Variants in IL5RA observed in about 807,000 individuals in gnomAD.
The protein encoded by IL5RA is interleukin-5 receptor subunit alpha.
IL5RA carries 49 observed loss-of-function variants against 50.0 expected under a neutral mutation model. The ratio of observed to expected loss-of-function variants is 0.98; its 90% CI spans 0.78 to 1.24. The LOEUF (loss-of-function observed/expected upper bound fraction) is 1.24, where lower values mean the gene tolerates loss of function less well. Ranked by LOEUF, IL5RA falls within the 50% of genes most tolerant of loss-of-function variation. The pLI, the probability that IL5RA is intolerant of heterozygous loss-of-function variation, is 0.00. For missense variants in IL5RA, 600 were observed against 500.4 expected (o/e 1.20, Z -1.90); for synonymous variants, 202 against 174.0 (o/e 1.16, Z -1.26).
At chr3:3,071,754 T>C (rs1015225629) in intron 11 of IL5RA, among the ~76,000 whole-genome samples, 3 of 151,938 alleles carry the variant, frequency 2.0e-5, no homozygotes, top group Non-Finnish European at 4.4e-5. Context: ...CGTGCCTGAG[T>C]AATTTTTGTA....
intron 9 of IL5RA, among the ~76,000 whole-genome samples, chr3:3,091,029 G>A (rs775321461): frequency 6.6e-6 from 1 of 152,108 alleles, no homozygotes; most frequent in African/African-American, 2.4e-5. Context: ...TGACAGAGAC[G>A]ATGCCCATCT....
chr3:3,070,360 G>A (rs979544800), intron 11 of IL5RA, 49 bp from the exon 12 acceptor site: 5 of 1,235,120 alleles, frequency 4.0e-6, no homozygotes, highest in East Asian at 2.4e-5. Context: ...GAACTTTTGG[G>A]TTCTTTGAAA....
At position 3,070,239 on chromosome 3, in the gene IL5RA, C is replaced by A. The variant is rs200558767; in HGVS notation, c.1249G>T (p.Asp417Tyr). The A allele has an allele frequency of 2.2e-5, 36 of 1,611,542 alleles. No homozygotes were observed. The highest frequency in any genetic ancestry group is 2.5e-5 in the Non-Finnish European group (29 of 1,178,038). ...CAAAGTGACAGTCAAAACACAGAATCCTCCAGGGTCTCAACTCCAGGCTTC... is the reference window on the plus strand; with the variant it reads ...CAAAGTGACAGTCAAAACACAGAATACTCCAGGGTCTCAACTCCAGGCTTC... ...IEKPGVETLE[D>Y]SVF is the part of the protein sequence containing the mutation. The change falls in exon 12 of 12, where the codon GAT (aspartate) becomes TAT (tyrosine). Residue 417 changes from aspartate (D) to tyrosine (Y), a missense_variant. Asp to Tyr is a radical substitution (Grantham distance 160). Transcript: ENST00000446632.
chr3:3,105,964 C>T (rs1308901108), intron 2 of IL5RA, among the ~76,000 whole-genome samples: 1 of 152,174 alleles, frequency 6.6e-6, no homozygotes, highest in Non-Finnish European at 1.5e-5. Context: ...CTCACTTTTA[C>T]AAAGGAGTTC....
chr3:3,073,789 T>C (rs1180628359), intron 11 of IL5RA: 3 of 451,974 alleles, frequency 6.6e-6, no homozygotes, highest in Non-Finnish European at 1.3e-5. Context: ...TAGAAAATTG[T>C]CAGCTGAATC....
chr3:3,071,314 G>A (rs1255620659), intron 11 of IL5RA, among the ~76,000 whole-genome samples: 1 of 152,080 alleles, frequency 6.6e-6, no homozygotes, highest in East Asian at 1.9e-4. Context: ...GGAACAGCTG[G>A]AAACCAGTCT....
At position 3,076,579 on chromosome 3, in the gene IL5RA, A is replaced by G. The variant is rs1251467124; in HGVS notation, c.1043T>C (p.Met348Thr). The change falls in exon 10 of 12, where the codon ATG becomes ACG. Residue 348 changes from methionine (M) to threonine (T), a missense_variant. By Grantham distance (81) the Met-to-Thr change is moderately conservative. Transcript: ENST00000446632. ...PLREWFVIVI[M>T]ATICFILLIL... ...TAACAAGATGAAGCAGATGGTTGCCATAATCACAATGACAAACCACTCTCT... is the reference window on the plus strand; with the variant it reads ...TAACAAGATGAAGCAGATGGTTGCCGTAATCACAATGACAAACCACTCTCT... 4 of 1,613,110 alleles carry G rather than the reference A, an allele frequency of 2.5e-6. No homozygotes were observed. Among genetic ancestry groups the G allele is most frequent in the Non-Finnish European group, 3.4e-6 (4 of 1,179,112 alleles).
chr3:3,107,695 C>G (rs1041524259), intron 2 of IL5RA, among the ~76,000 whole-genome samples: 5 of 152,236 alleles, frequency 3.3e-5, no homozygotes, highest in Admixed American at 1.3e-4. Context: ...GATCTACTTG[C>G]TCATATAACA....
chr3:3,096,468 G>C (rs1022477140), intron 7 of IL5RA, among the ~76,000 whole-genome samples: 1 of 152,192 alleles, frequency 6.6e-6, no homozygotes, highest in South Asian at 2.1e-4. Flanking sequence ...AATTAATAGG[G>C]AAAAGCTAGG....
chr3:3,098,096 A>C, intron 6 of IL5RA, 39 bp from the exon 7 acceptor site: 1 of 1,613,964 alleles, frequency 6.2e-7, no homozygotes, highest in Non-Finnish European at 8.5e-7. Flanking sequence ...AGGTTGCAGG[A>C]AACAACCATT....
intron 8 of IL5RA, among the ~76,000 whole-genome samples, chr3:3,094,745 T>A (rs1233195494): frequency 2.0e-5 from 3 of 152,174 alleles, no homozygotes; most frequent in African/African-American, 7.2e-5. Context: ...TTTTTTTAGA[T>A]GAAATGTTGC....
chr3:3,075,821 CG>C (rs1212852740), intron 10 of IL5RA, among the ~76,000 whole-genome samples: 4 of 151,992 alleles, frequency 2.6e-5, no homozygotes, highest in South Asian at 2.1e-4. Context: ...AGGGTGGTCT[CG>C]ATCTCCTGAC....
chr3:3,102,820 A>G lies in IL5RA; in HGVS notation c.83T>C (p.Ile28Thr). The G allele has an allele frequency of 6.3e-7, 1 of 1,598,172 alleles. No individual in the cohort carries two copies. Among genetic ancestry groups the G allele is most frequent in the Non-Finnish European group, 8.5e-7 (1 of 1,175,498 alleles). The change falls in exon 4 of 12, where the codon ATT becomes ACT. Residue 28 changes from isoleucine to threonine, a missense_variant and splice_region_variant. Coordinates refer to ENST00000446632, the MANE Select transcript of IL5RA (RefSeq NM_175726.4). ...LQADLLPDEK[I>T]SLLPPVNFTI... ...GAAATTGACAGGTGGGAGAAGTGAAACTGTTGATTCAAAGAATAAAGAAAC... is the reference window on the plus strand; with the variant it reads ...GAAATTGACAGGTGGGAGAAGTGAAGCTGTTGATTCAAAGAATAAAGAAAC...
At chr3:3,103,455 A>G (rs138153962) in intron 3 of IL5RA, among the ~76,000 whole-genome samples, 22 of 152,256 alleles carry the variant, frequency 1.4e-4, no homozygotes, top group Middle Eastern at 3.2e-3. Flanking sequence ...GAGCTGTTTC[A>G]TGAATCTCGT....
chr3:3,097,403 C>T (rs1224739516), intron 7 of IL5RA, among the ~76,000 whole-genome samples: 1 of 152,128 alleles, frequency 6.6e-6, no homozygotes. Flanking sequence ...CCTGGGGTGG[C>T]ACTAGTCCAT....
chr3:3,107,683 A>C (rs1464825966), intron 2 of IL5RA, among the ~76,000 whole-genome samples: 1 of 152,224 alleles, frequency 6.6e-6, no homozygotes, highest in Non-Finnish European at 1.5e-5. Context: ...TCATGATCTC[A>C]TGATCTACTT....
At chr3:3,087,099 T>G (rs1264776528) in intron 9 of IL5RA, among the ~76,000 whole-genome samples, 1 of 152,074 alleles carries the variant, frequency 6.6e-6, no homozygotes, top group Non-Finnish European at 1.5e-5. Flanking sequence ...GGATGAAAAG[T>G]CACCTATTCA....
chr3:3,073,761 C>T (rs1446454498), intron 11 of IL5RA: 1 of 451,190 alleles, frequency 2.2e-6, no homozygotes, highest in Admixed American at 2.4e-5. Flanking sequence ...CACCCCAAAT[C>T]CCAGCTACCT....
At chr3:3,099,244 C>T (rs899489688) in intron 5 of IL5RA, among the ~76,000 whole-genome samples, 5 of 152,122 alleles carry the variant, frequency 3.3e-5, no homozygotes, top group Admixed American at 6.5e-5. Flanking sequence ...GCCTGTAATC[C>T]CAGTGCTCTG....
Sources: allele counts gnomAD v4.1 joint callset (sites outside exome capture counted in the v4.1 genomes callset), GRCh38; gene constraint gnomAD v4.1.1; transcripts MANE v1.5; gene names NCBI Gene and HGNC (gene_info 2026-07-23, HGNC 2026-07-21).